ABTB3: variants seen among roughly 807,000 people sequenced by gnomAD.
The protein encoded by ABTB3 is ankyrin repeat and BTB domain containing 3, also known as ankyrin repeat- and BTB/POZ domain-containing protein 3.
At chr12:107,358,815 G>C in the ABTB3 span, among the ~76,000 whole-genome samples, 1 of 152,126 alleles carries the variant, frequency 6.6e-6, no homozygotes, top group Non-Finnish European at 1.5e-5. Context: ...GGCTGGTCTT[G>C]ATCCACCCTC....
chr12:107,639,290 C>A, the ABTB3 span, among the ~76,000 whole-genome samples: 1 of 152,148 alleles, frequency 6.6e-6, no homozygotes. Flanking sequence ...CTCATTAAGA[C>A]GTTTAGACTC....
the ABTB3 span, among the ~76,000 whole-genome samples, chr12:107,406,148 T>C: frequency 3.9e-5 from 6 of 152,224 alleles, no homozygotes; most frequent in African/African-American, 1.4e-4. Context: ...ACGGTTGTGA[T>C]AGTACCTGTC....
At chr12:107,566,070 G>GT in the ABTB3 span, among the ~76,000 whole-genome samples, 1 of 152,178 alleles carries the variant, frequency 6.6e-6, no homozygotes, top group African/African-American at 2.4e-5. Context: ...TTGCGTGTAT[G>GT]TTTCCTTCTT....
chr12:107,366,743 A>G, the ABTB3 span, among the ~76,000 whole-genome samples: 1 of 152,238 alleles, frequency 6.6e-6, no homozygotes. Context: ...TTGAGTCTAT[A>G]TTGGTACCCT....
chr12:107,638,520 G>A, the ABTB3 span, among the ~76,000 whole-genome samples: 1 of 152,146 alleles, frequency 6.6e-6, no homozygotes, highest in Non-Finnish European at 1.5e-5. Context: ...TGAACCCCTG[G>A]GGAAGGGACC....
At chr12:107,502,116 G>C in the ABTB3 span, among the ~76,000 whole-genome samples, 1 of 151,344 alleles carries the variant, frequency 6.6e-6, no homozygotes, top group African/African-American at 2.4e-5. Context: ...CCAGGCTGGA[G>C]TGCAGTGGCA....
At chr12:107,610,910 G>A in the ABTB3 span, among the ~76,000 whole-genome samples, 1 of 152,188 alleles carries the variant, frequency 6.6e-6, no homozygotes, top group Non-Finnish European at 1.5e-5. Flanking sequence ...GTGGTGAACC[G>A]TCATGGACAG....
chr12:107,446,816 G>T, the ABTB3 span, among the ~76,000 whole-genome samples: 1 of 152,186 alleles, frequency 6.6e-6, no homozygotes, highest in Admixed American at 6.5e-5. Flanking sequence ...ATGCTGTGTG[G>T]CTCTGGGCAA....
chr12:107,633,469 G>A, the ABTB3 span, among the ~76,000 whole-genome samples: 6 of 152,136 alleles, frequency 3.9e-5, no homozygotes, highest in African/African-American at 7.2e-5. Context: ...GTAAAGTAAC[G>A]TGTTCATGGT....
chr12:107,475,585 CA>C, the ABTB3 span, among the ~76,000 whole-genome samples: 1,442 of 152,306 alleles, frequency 9.5e-3, 38 homozygotes, highest in African/African-American at 0.033. Flanking sequence ...TTGTGCACTG[CA>C]AACCCCAGGA....
the ABTB3 span, among the ~76,000 whole-genome samples, chr12:107,435,900 C>T: frequency 3.9e-5 from 6 of 152,316 alleles, no homozygotes; most frequent in East Asian, 5.8e-4. Flanking sequence ...CTATTAGCCA[C>T]GTGTGGCTGT....
chr12:107,530,116 GA>G, the ABTB3 span, among the ~76,000 whole-genome samples: 1 of 152,296 alleles, frequency 6.6e-6, no homozygotes, highest in African/African-American at 2.4e-5. Flanking sequence ...AAGAACAGAA[GA>G]AGGGAACCGG....
chr12:107,385,907 C>A, the ABTB3 span, among the ~76,000 whole-genome samples: 1 of 152,190 alleles, frequency 6.6e-6, no homozygotes, highest in East Asian at 1.9e-4. Context: ...AGGACCACAG[C>A]AGGCCTGGGA....
the ABTB3 span, chr12:107,319,795 T>C: frequency 7.0e-7 from 1 of 1,433,420 alleles, no homozygotes; most frequent in Non-Finnish European, 9.2e-7. Flanking sequence ...CCGCGGCGGA[T>C]AAAGAGCGGG....
chr12:107,433,304 A>G, the ABTB3 span, among the ~76,000 whole-genome samples: 1 of 149,022 alleles, frequency 6.7e-6, no homozygotes, highest in African/African-American at 2.5e-5. Flanking sequence ...CTCAAAAAAA[A>G]AAAAAAAAAA....
At chr12:107,487,810 A>C in the ABTB3 span, among the ~76,000 whole-genome samples, 1 of 152,184 alleles carries the variant, frequency 6.6e-6, no homozygotes, top group Non-Finnish European at 1.5e-5. Context: ...GACACTGGAA[A>C]AAAAGTTAGC....
At chr12:107,587,709 T>G in the ABTB3 span, among the ~76,000 whole-genome samples, 5 of 152,116 alleles carry the variant, frequency 3.3e-5, no homozygotes, top group African/African-American at 7.2e-5. Flanking sequence ...AAATAATCCA[T>G]ACATAGCAGG....
At chr12:107,567,030 T>G in the ABTB3 span, among the ~76,000 whole-genome samples, 1 of 152,160 alleles carries the variant, frequency 6.6e-6, no homozygotes, top group African/African-American at 2.4e-5. Context: ...GGTGGGAGGA[T>G]CATCTGAGCC....
chr12:107,548,074 C>G, the ABTB3 span, among the ~76,000 whole-genome samples: 5 of 152,192 alleles, frequency 3.3e-5, no homozygotes, highest in Admixed American at 2.6e-4. Context: ...GCAAGGGGGC[C>G]TCTGTTTTCA....
Sources: gnomAD v4.1 joint callset for allele counts (sites outside exome capture counted in the v4.1 genomes callset) on GRCh38, gnomAD v4.1.1 for gene constraint, MANE v1.5 for transcripts, NCBI Gene and HGNC (gene_info 2026-07-23, HGNC 2026-07-21) for gene names.